Variants in CNTN4 observed in about 807,000 individuals in gnomAD.
CNTN4 encodes contactin-4.
Under a neutral mutation model 122.5 loss-of-function variants are expected in CNTN4, and 77 were observed. The observed-to-expected ratio is 0.63, with a 90% confidence interval of 0.52 to 0.76. CNTN4 has a LOEUF of 0.76. Ranked by LOEUF, CNTN4 falls within the 30% of genes least tolerant of loss-of-function variation. CNTN4 has a pLI of 0.00. For missense variants in CNTN4, 1,256 were observed against 1,259.1 expected (o/e 1.00, Z 0.04); for synonymous variants, 512 against 447.0 (o/e 1.15, Z -1.83).
chr3:2,246,189 A>G (rs887023199), intron 2 of CNTN4, among the ~76,000 whole-genome samples: 1 of 152,038 alleles, frequency 6.6e-6, no homozygotes, highest in Non-Finnish European at 1.5e-5. Flanking sequence ...ATGCAATTGC[A>G]TATTTTGGAC....
At chr3:2,982,656 A>C (rs1694139517) in intron 13 of CNTN4, among the ~76,000 whole-genome samples, 1 of 152,150 alleles carries the variant, frequency 6.6e-6, no homozygotes, top group Non-Finnish European at 1.5e-5. Context: ...TTTTGATGGC[A>C]TGCTTCTACA....
intron 4 of CNTN4, among the ~76,000 whole-genome samples, chr3:2,638,962 C>T (rs2082783188): frequency 6.6e-6 from 1 of 152,214 alleles, no homozygotes; most frequent in East Asian, 1.9e-4. Flanking sequence ...CATCTTTCTT[C>T]TGGAATATTA....
chr3:2,747,120 T>C (rs1811795), intron 6 of CNTN4, among the ~76,000 whole-genome samples: 140,193 of 151,436 alleles, frequency 0.93, 65,044 homozygotes, highest in Non-Finnish European at 0.97. Flanking sequence ...GATGGAAATA[T>C]TGTATCTGGG....
intron 2 of CNTN4, among the ~76,000 whole-genome samples, chr3:2,226,384 G>T (rs2039284865): frequency 6.6e-6 from 1 of 152,120 alleles, no homozygotes. Flanking sequence ...AGTTTAAGGG[G>T]ATTTTTGGAA....
intron 3 of CNTN4, among the ~76,000 whole-genome samples, chr3:2,351,415 T>TA (rs2044616545): frequency 6.6e-6 from 1 of 152,046 alleles, no homozygotes; most frequent in South Asian, 2.1e-4. Context: ...TTTCCACAAT[T>TA]TTTTTTTCTT....
At chr3:2,640,569 A>G (rs2082855643) in intron 4 of CNTN4, among the ~76,000 whole-genome samples, 1 of 152,196 alleles carries the variant, frequency 6.6e-6, no homozygotes, top group Non-Finnish European at 1.5e-5. Flanking sequence ...AACACTTACA[A>G]AGCTAAACAG....
At chr3:2,106,784 G>T (rs775390656) in intron 2 of CNTN4, among the ~76,000 whole-genome samples, 4 of 152,146 alleles carry the variant, frequency 2.6e-5, no homozygotes, top group Non-Finnish European at 5.9e-5. Flanking sequence ...CCAGAAAATG[G>T]GTTTTTCTTT....
At chr3:2,961,056 C>A (rs1290644659) in intron 13 of CNTN4, among the ~76,000 whole-genome samples, 2 of 144,338 alleles carry the variant, frequency 1.4e-5, no homozygotes, top group Non-Finnish European at 3.0e-5. Context: ...CGGTGAAACC[C>A]CGTCTCTACT....
At chr3:2,453,445 G>A (rs913583759) in intron 3 of CNTN4, among the ~76,000 whole-genome samples, 6 of 152,150 alleles carry the variant, frequency 3.9e-5, no homozygotes, top group Non-Finnish European at 7.4e-5. Context: ...TAGTACTTAT[G>A]AGGCACTTTC....
At chr3:2,452,511 C>T (rs951470783) in intron 3 of CNTN4, among the ~76,000 whole-genome samples, 1 of 152,154 alleles carries the variant, frequency 6.6e-6, no homozygotes, top group African/African-American at 2.4e-5. Context: ...TGATCCTCAT[C>T]TATAATTACA....
At chr3:2,838,725 C>A (rs550396037) in intron 7 of CNTN4, among the ~76,000 whole-genome samples, 40 of 152,264 alleles carry the variant, frequency 2.6e-4, no homozygotes, top group African/African-American at 9.6e-4. Flanking sequence ...TGCAGTTCTG[C>A]CTTCAACACA....
chr3:2,973,345 A>G (rs1376124890), intron 13 of CNTN4, among the ~76,000 whole-genome samples: 4 of 152,022 alleles, frequency 2.6e-5, no homozygotes, highest in Non-Finnish European at 2.9e-5. Context: ...TGAGTTTTAC[A>G]GAAAAAGTAA....
At chr3:2,480,181 C>A (rs1273129800) in intron 3 of CNTN4, among the ~76,000 whole-genome samples, 1 of 151,998 alleles carries the variant, frequency 6.6e-6, no homozygotes, top group African/African-American at 2.4e-5. Flanking sequence ...TGGTGAGAAT[C>A]TCAAAGTTTT....
At chr3:2,938,476 C>G (rs542250524) in intron 13 of CNTN4, among the ~76,000 whole-genome samples, 1 of 152,144 alleles carries the variant, frequency 6.6e-6, no homozygotes, top group Non-Finnish European at 1.5e-5. Flanking sequence ...ATTTACCTTA[C>G]TTAAGGTTGC....
At chr3:2,156,862 A>G (rs7626229) in intron 2 of CNTN4, among the ~76,000 whole-genome samples, 43,572 of 152,074 alleles carry the variant, frequency 0.29, 7,167 homozygotes, top group East Asian at 0.64. Flanking sequence ...ATGGATTGCT[A>G]GGGCTATTCC....
At chr3:2,671,400 C>A (rs62232712) in intron 4 of CNTN4, among the ~76,000 whole-genome samples, 28 of 152,162 alleles carry the variant, frequency 1.8e-4, no homozygotes, top group African/African-American at 6.5e-4. Flanking sequence ...GAAGCTTGTG[C>A]GTTCGTCACA....
At chr3:2,782,910 G>T (rs1359837855) in intron 6 of CNTN4, among the ~76,000 whole-genome samples, 1 of 152,114 alleles carries the variant, frequency 6.6e-6, no homozygotes, top group Non-Finnish European at 1.5e-5. Context: ...TTTCTCTTGG[G>T]TCTCCTGGCC....
chr3:2,693,774 C>G lies in CNTN4; in HGVS notation c.56-42441C>G, dbSNP rs2085868233. Among the ~76,000 whole-genome samples, 3 of 152,128 alleles carry G rather than the reference C, an allele frequency of 2.0e-5. No individual in the cohort carries two copies. The South Asian group carries it at 6.2e-4, about 32-fold the overall frequency. The stretch of plus-strand genomic sequence containing the variant: ...GAGCACACCGAGGAACTTGCATCGT[C>G]CTCTCAAGAATACTAGGAAACACAT... On this transcript the variant is annotated intron_variant, in intron 4 of 24. Transcript: ENST00000418658.
chr3:2,627,490 C>CTTTT (rs869106549), intron 4 of CNTN4, among the ~76,000 whole-genome samples: 16 of 116,206 alleles, frequency 1.4e-4, no homozygotes, highest in African/African-American at 3.5e-4. Context: ...CATTAAGTGT[C>CTTTT]TTTTTTTTTT....
Sources: allele counts gnomAD v4.1 joint callset (sites outside exome capture counted in the v4.1 genomes callset), GRCh38; gene constraint gnomAD v4.1.1; transcripts MANE v1.5; gene names NCBI Gene and HGNC (gene_info 2026-07-23, HGNC 2026-07-21).